Variants in CSPP1 observed in about 807,000 individuals in gnomAD.
CSPP1 encodes centrosome and spindle pole-associated protein 1.
CSPP1 carries 126 observed loss-of-function variants against 164.4 expected under a neutral mutation model. The ratio of observed to expected loss-of-function variants is 0.77; its 90% CI spans 0.66 to 0.89. CSPP1 has a LOEUF of 0.89. Among genes scored for constraint, CSPP1 ranks in the 40% least tolerant of loss-of-function variants. The pLI is 0.00. For missense variants in CSPP1, 1,395 were observed against 1,449.8 expected, an observed-to-expected ratio of 0.96 and a Z score of 0.61; for synonymous variants, 472 against 476.7, an observed-to-expected ratio of 0.99 and a Z score of 0.13.
intron 12 of CSPP1, chr8:67,115,387 A>T (rs944963313): frequency 6.5e-6 from 1 of 152,792 alleles, no homozygotes; most frequent in Non-Finnish European, 1.5e-5. Flanking sequence ...AGCATTAGAT[A>T]TTCAGAGTCT....
intron 15 of CSPP1, among the ~76,000 whole-genome samples, chr8:67,125,671 T>A (rs1390364732): frequency 6.6e-6 from 1 of 152,214 alleles, no homozygotes; most frequent in East Asian, 1.9e-4. Flanking sequence ...TCAATTGACC[T>A]GTCTTCAAGT....
intron 5 of CSPP1, 126 bp from the exon 6 acceptor site, chr8:67,093,417 G>T: frequency 1.7e-6 from 1 of 595,624 alleles, no homozygotes; most frequent in South Asian, 2.4e-5. Flanking sequence ...GAAATTATTA[G>T]TAAAGCTTGA....
intron 28 of CSPP1, among the ~76,000 whole-genome samples, chr8:67,189,030 C>A (rs1398513247): frequency 1.3e-5 from 2 of 152,142 alleles, no homozygotes. Flanking sequence ...GAACAAGGAC[C>A]CGCCTGGTAA....
At chr8:67,170,334 G>A (rs1377393409) in intron 24 of CSPP1, among the ~76,000 whole-genome samples, 1 of 151,780 alleles carries the variant, frequency 6.6e-6, no homozygotes, top group Non-Finnish European at 1.5e-5. Context: ...GTGCGTGCCT[G>A]TAGTCCCAGC....
chr8:67,173,816 T>G (rs1166479792), intron 25 of CSPP1: 3 of 152,224 alleles, frequency 2.0e-5, no homozygotes, highest in African/African-American at 7.2e-5. Flanking sequence ...GTGGGTCTCA[T>G]GAGGAGTTTG....
chr8:67,144,137 G>A (rs1272949994), intron 17 of CSPP1, among the ~76,000 whole-genome samples: 1 of 152,142 alleles, frequency 6.6e-6, no homozygotes, highest in South Asian at 2.1e-4. Context: ...CATTGTGAGT[G>A]TATGTTGAAT....
intron 28 of CSPP1, among the ~76,000 whole-genome samples, chr8:67,183,660 T>G (rs1481741521): frequency 6.6e-6 from 1 of 152,150 alleles, no homozygotes; most frequent in African/African-American, 2.4e-5. Flanking sequence ...ATGCTTGTCT[T>G]TCTTTCTACT....
At chr8:67,115,829 G>C in intron 12 of CSPP1, 85 bp from the exon 13 acceptor site, 1 of 903,778 alleles carries the variant, frequency 1.1e-6, no homozygotes, top group Non-Finnish European at 1.8e-6. Context: ...TTAAGTGCCT[G>C]CTGGGATAGG....
chr8:67,178,755 G>A (rs937679882), intron 27 of CSPP1, among the ~76,000 whole-genome samples: 1 of 152,166 alleles, frequency 6.6e-6, no homozygotes, highest in African/African-American at 2.4e-5. Context: ...AAGGAGCAGT[G>A]GGAGAGCCAT....
intron 24 of CSPP1, among the ~76,000 whole-genome samples, chr8:67,168,716 C>T (rs1210809033): frequency 6.6e-6 from 1 of 152,106 alleles, no homozygotes; most frequent in African/African-American, 2.4e-5. Flanking sequence ...AATATATGTA[C>T]AAAAGGAATC....
At chr8:67,193,628 T>C (rs1237430063) in intron 30 of CSPP1, 26 bp downstream of exon 30, 6 of 1,596,370 alleles carry the variant, frequency 3.8e-6, no homozygotes, top group East Asian at 4.5e-5. Flanking sequence ...TAATGGCCTA[T>C]AGTAGAATCC....
Position 67,132,505 on chromosome 8 carries a change from G to A in CSPP1, c.1827+425G>A, listed in dbSNP as rs552161947. Among the ~76,000 whole-genome samples, 210 of 152,314 alleles carry A rather than the reference G, an allele frequency of 1.4e-3. 1 individual carries two copies. Among genetic ancestry groups the A allele is most frequent in the African/African-American group, 4.6e-3 (192 of 41,564 alleles). On this transcript the variant is annotated intron_variant, in intron 16 of 30. Coordinates refer to ENST00000678616, the MANE Select transcript of CSPP1 (RefSeq NM_001382391.1). ...CAAGAAAAGTATGAAAGGATTGTTT[G>A]CTTTAAGCAGATTTATATTTTATGA...
intron 30 of CSPP1, among the ~76,000 whole-genome samples, chr8:67,194,155 C>T (rs1255341869): frequency 6.6e-6 from 1 of 152,126 alleles, no homozygotes; most frequent in Admixed American, 6.5e-5. Flanking sequence ...ACCTAACAAG[C>T]TACCCTGCCA....
intron 18 of CSPP1, among the ~76,000 whole-genome samples, chr8:67,150,944 G>A (rs1291277873): frequency 6.6e-6 from 1 of 152,136 alleles, no homozygotes; most frequent in Non-Finnish European, 1.5e-5. Flanking sequence ...TTTGATTTTA[G>A]ATTAGAAAAG....
intron 1 of CSPP1, among the ~76,000 whole-genome samples, chr8:67,067,398 A>G (rs1805796993): frequency 6.6e-6 from 1 of 152,222 alleles, no homozygotes; most frequent in African/African-American, 2.4e-5. Flanking sequence ...CCAAGTATCA[A>G]TTATTGATTA....
rs368177134 is a variant in CSPP1, at chr8:67,167,260, G to A, written c.2828+2752G>A. Among the ~76,000 whole-genome samples, 111 of 146,242 alleles carry A rather than the reference G, an allele frequency of 7.6e-4. 1 individual carries two copies. The South Asian group carries it at 0.013, about 16-fold the overall frequency. On this transcript the variant is annotated intron_variant, in intron 24 of 30. Coordinates refer to ENST00000678616, the MANE Select transcript of CSPP1 (RefSeq NM_001382391.1). ...GGGTACACCTCCCAGACGGGGTGGC[G>A]GCTGGGCAGAGGGGCTCCTCACTTC...
intron 7 of CSPP1, among the ~76,000 whole-genome samples, chr8:67,097,628 A>T (rs1012368725): frequency 5.3e-5 from 8 of 152,094 alleles, no homozygotes; most frequent in African/African-American, 1.9e-4. Context: ...GTTTACGTTT[A>T]GGGTGAATGT....
In CSPP1 at chr8:67,195,939, G is replaced by A. The variant is rs895231685; in HGVS notation, c.*346G>A. ...GTCCTGTAAAACCGGACTCCCCTTT[G>A]TTACATGCACATTTTCCATTGTTAC... On this transcript the variant is annotated 3_prime_UTR_variant, in exon 31 of 31. Coordinates refer to ENST00000678616, the MANE Select transcript of CSPP1 (RefSeq NM_001382391.1). The A allele has an allele frequency of 2.6e-5, 5 of 189,956 alleles. No individual in the cohort carries two copies. The highest frequency in any genetic ancestry group is 2.3e-3 in the Middle Eastern group (1 of 436). 11.8% of individuals were successfully genotyped at this position (189,956 alleles called of 1,614,324 possible). A position where few individuals can be genotyped will look rare whatever the true frequency, so the allele number is the denominator to read the frequency against.
chr8:67,119,878 A>G (rs922834219), intron 15 of CSPP1, among the ~76,000 whole-genome samples: 3 of 152,276 alleles, frequency 2.0e-5, no homozygotes, highest in South Asian at 2.1e-4. Context: ...AAATTTTCAT[A>G]AAGTCCAATT....
Sources: gnomAD v4.1 joint callset for allele counts (sites outside exome capture counted in the v4.1 genomes callset) on GRCh38, gnomAD v4.1.1 for gene constraint, MANE v1.5 for transcripts, NCBI Gene and HGNC (gene_info 2026-07-23, HGNC 2026-07-21) for gene names.